WDPCP: variants seen among roughly 807,000 people sequenced by gnomAD.
WDPCP encodes WD repeat containing planar cell polarity effector.
A neutral mutation model predicts 93.1 loss-of-function variants in WDPCP; 71 were observed. That is an observed-to-expected ratio of 0.76 (90% CI 0.63 to 0.93). The LOEUF (loss-of-function observed/expected upper bound fraction) is 0.93, where lower values mean the gene tolerates loss of function less well. Among genes scored for constraint, WDPCP ranks in the 40% least tolerant of loss-of-function variants. The probability of loss-of-function intolerance (pLI) is 0.00; values close to 1 mark genes in which losing one functional copy is unlikely to be tolerated. For missense variants in WDPCP, 844 were observed against 887.4 expected, an observed-to-expected ratio of 0.95 and a Z score of 0.62; for synonymous variants, 315 against 315.0, an observed-to-expected ratio of 1.00 and a Z score of 0.00.
intron 14 of WDPCP, among the ~76,000 whole-genome samples, chr2:63,256,707 T>G (rs1681180384): frequency 6.6e-6 from 1 of 152,148 alleles, no homozygotes; most frequent in African/African-American, 2.4e-5. Flanking sequence ...TAAAGTAGAA[T>G]AAATTGAAGT....
intron 1 of WDPCP, 104 bp from the exon 2 acceptor site, chr2:63,493,044 T>C (rs1700994319): frequency 1.1e-6 from 1 of 936,418 alleles, no homozygotes; most frequent in East Asian, 2.6e-5. Context: ...GCCACAACTG[T>C]TATTTGAAAT....
chr2:63,234,648 A>G (rs542548880), intron 14 of WDPCP, among the ~76,000 whole-genome samples: 69 of 152,272 alleles, frequency 4.5e-4, no homozygotes, highest in Middle Eastern at 3.4e-3. Flanking sequence ...AAGAAGAATC[A>G]TTTTTCTCTG....
chr2:63,404,002 A>T (rs1212875888), intron 10 of WDPCP, 46 bp downstream of exon 10: 2 of 1,611,396 alleles, frequency 1.2e-6, no homozygotes, highest in Non-Finnish European at 1.7e-6. Flanking sequence ...TTATGTCACT[A>T]TCCTAAACAT....
chr2:63,734,693 T>A (rs1018926695), intron 2 of WDPCP, among the ~76,000 whole-genome samples: 4 of 152,226 alleles, frequency 2.6e-5, no homozygotes, highest in African/African-American at 7.2e-5. Context: ...AAACCATTGT[T>A]GAAAGCTGAC....
At chr2:63,662,026 A>G (rs112001395) in intron 2 of WDPCP, among the ~76,000 whole-genome samples, 1,835 of 152,314 alleles carry the variant, frequency 0.012, 14 homozygotes, top group Non-Finnish European at 0.014. Context: ...GAAGCATAAA[A>G]TCTTAAAATG....
At chr2:63,154,746 A>G (rs1672119808) in intron 15 of WDPCP, among the ~76,000 whole-genome samples, 1 of 152,146 alleles carries the variant, frequency 6.6e-6, no homozygotes, top group South Asian at 2.1e-4. Flanking sequence ...ACCATTTTAT[A>G]TTACATTTCA....
At chr2:63,274,780 CGA>C (rs1559271799) in intron 13 of WDPCP, among the ~76,000 whole-genome samples, 1 of 152,034 alleles carries the variant, frequency 6.6e-6, no homozygotes, top group East Asian at 1.9e-4. Context: ...CTGAAGAGAG[CGA>C]GTTTTTTCTT....
intron 2 of WDPCP, among the ~76,000 whole-genome samples, chr2:63,777,025 A>G (rs1403428896): frequency 2.0e-5 from 3 of 152,194 alleles, no homozygotes; most frequent in Non-Finnish European, 4.4e-5. Flanking sequence ...TACAGTTAAC[A>G]ATATGGTATT....
At chr2:63,400,782 C>G (rs2138793) in intron 10 of WDPCP, among the ~76,000 whole-genome samples, 62,354 of 151,890 alleles carry the variant, frequency 0.41, 13,078 homozygotes, top group Non-Finnish European at 0.43. Context: ...GTACTGGTAC[C>G]AAAACTGATA....
chr2:63,476,966 T>C (rs1700007601), intron 6 of WDPCP, among the ~76,000 whole-genome samples: 1 of 152,198 alleles, frequency 6.6e-6, no homozygotes, highest in Non-Finnish European at 1.5e-5. Context: ...TGACCTTTTA[T>C]GATTGTGCCT....
At chr2:63,363,144 A>G (rs1052300541) in intron 12 of WDPCP, among the ~76,000 whole-genome samples, 4 of 152,188 alleles carry the variant, frequency 2.6e-5, no homozygotes, top group Non-Finnish European at 5.9e-5. Flanking sequence ...AAACAATACA[A>G]GAAGCACAAA....
At chr2:63,233,026 T>G (rs1394437816) in intron 14 of WDPCP, 1 of 156,698 alleles carries the variant, frequency 6.4e-6, no homozygotes, top group Non-Finnish European at 1.4e-5. Context: ...GCCCCCCATG[T>G]TGGCATTTGT....
intron 2 of WDPCP, among the ~76,000 whole-genome samples, chr2:63,744,402 C>T (rs1040206736): frequency 4.1e-4 from 63 of 152,034 alleles, no homozygotes; most frequent in African/African-American, 1.5e-3. Flanking sequence ...AGACAGCCAC[C>T]GTAATGTTGC....
chr2:63,368,742 TA>T (rs1223209816), intron 12 of WDPCP: 1 of 152,082 alleles, frequency 6.6e-6, no homozygotes, highest in African/African-American at 2.4e-5. Flanking sequence ...AAATATGTAA[TA>T]AAAGTGTAAA....
chr2:63,700,852 T>C (rs927676579), intron 2 of WDPCP, among the ~76,000 whole-genome samples: 2 of 152,202 alleles, frequency 1.3e-5, no homozygotes, highest in Admixed American at 6.5e-5. Context: ...TATCTCTCAC[T>C]ATATGCAAAA....
At chr2:63,734,870 T>C (rs76661574) in intron 2 of WDPCP, among the ~76,000 whole-genome samples, 2,528 of 141,424 alleles carry the variant, frequency 0.018, 36 homozygotes, top group Non-Finnish European at 0.025. Context: ...GATAGATAGA[T>C]AGACAGACAG....
chr2:63,165,350 T>C (rs1672885884), intron 15 of WDPCP, among the ~76,000 whole-genome samples: 1 of 152,174 alleles, frequency 6.6e-6, no homozygotes, highest in Admixed American at 6.5e-5. Flanking sequence ...ATGATATTAA[T>C]GGATTTGGTA....
intron 3 of WDPCP, among the ~76,000 whole-genome samples, chr2:63,625,766 A>G (rs1352072189): frequency 2.0e-5 from 3 of 152,178 alleles, no homozygotes; most frequent in African/African-American, 7.2e-5. Context: ...TACTGCCTAA[A>G]GTAATTCATA....
chr2:63,490,756 A>G (rs190080905), intron 2 of WDPCP, among the ~76,000 whole-genome samples: 2 of 152,276 alleles, frequency 1.3e-5, no homozygotes, highest in Non-Finnish European at 2.9e-5. Context: ...GGGACAGGGA[A>G]GGAATTTGCT....
Sources: allele counts gnomAD v4.1 joint callset (sites outside exome capture counted in the v4.1 genomes callset), GRCh38; gene constraint gnomAD v4.1.1; transcripts MANE v1.5; gene names NCBI Gene and HGNC (gene_info 2026-07-23, HGNC 2026-07-21).